The following IL1RAPL1 variants were observed in gnomAD, a reference collection of about 807,000 sequenced individuals.
IL1RAPL1 encodes interleukin 1 receptor accessory protein like 1, also known as interleukin-1 receptor accessory protein-like 1.
Under a neutral mutation model 48.4 loss-of-function variants are expected in IL1RAPL1, and 3 were observed. That is an observed-to-expected ratio of 0.06 (90% CI 0.03 to 0.16). The LOEUF (loss-of-function observed/expected upper bound fraction) is 0.16. IL1RAPL1 is among the 10% of genes least tolerant of loss of function. IL1RAPL1 has a pLI of 1.00. For missense variants in IL1RAPL1, 349 were observed against 530.6 expected, an observed-to-expected ratio of 0.66 and a Z score of 3.36; for synonymous variants, 185 against 187.7, an observed-to-expected ratio of 0.99 and a Z score of 0.12.
intron 6 of IL1RAPL1, among the ~76,000 whole-genome samples, chrX:29,808,922 ATAGT>A (rs1930314749): frequency 9.0e-6 from 1 of 110,659 alleles, no homozygotes; most frequent in Admixed American, 9.7e-5. Flanking sequence ...GCCAGCCTGT[ATAGT>A]TTTAATTGAG....
intron 5 of IL1RAPL1, among the ~76,000 whole-genome samples, chrX:29,409,431 AT>A (rs1388800830): frequency 8.9e-6 from 1 of 112,018 alleles, no homozygotes; most frequent in Non-Finnish European, 1.9e-5. Context: ...TCTAATGTTG[AT>A]TTGGAGTTGA....
chrX:28,983,378 G>A (rs951340385), intron 2 of IL1RAPL1, among the ~76,000 whole-genome samples: 12 of 111,921 alleles, frequency 1.1e-4, no homozygotes, highest in African/African-American at 3.6e-4. Context: ...GTTTAAAGCA[G>A]TATTAAAATT....
chrX:29,127,615 A>C (rs768398383), intron 2 of IL1RAPL1, among the ~76,000 whole-genome samples: 1 of 111,791 alleles, frequency 8.9e-6, no homozygotes, highest in African/African-American at 3.2e-5. Context: ...AGACTAATAT[A>C]TCAACTGCCT....
chrX:29,790,714 T>G (rs1053149008), intron 6 of IL1RAPL1, among the ~76,000 whole-genome samples: 1 of 111,880 alleles, frequency 8.9e-6, no homozygotes, highest in African/African-American at 3.2e-5. Context: ...TATCTCAAAA[T>G]TGACCCTGTC....
intron 5 of IL1RAPL1, among the ~76,000 whole-genome samples, chrX:29,545,183 CT>C (rs1921578527): frequency 6.6e-4 from 3 of 4,514 alleles, no homozygotes; most frequent in African/African-American, 3.1e-3. Flanking sequence ...CTAATCCTAT[CT>C]ATCTATCTAT....
chrX:29,538,084 G>A lies in IL1RAPL1; in HGVS notation c.704-130346G>A, dbSNP rs186502630. Among the ~76,000 whole-genome samples, 129 of 109,444 alleles carry A rather than the reference G, an allele frequency of 1.2e-3. 1 individual carries two copies. The highest frequency in any genetic ancestry group is 3.9e-3 in the African/African-American group (118 of 30,261). ...TCTTTATCTCTCTGTATGGATTTTA[G>A]AGATAGCTGGGAAAATAGTTACCTG... On this transcript the variant is annotated intron_variant, in intron 5 of 10. Transcript: ENST00000378993.
chrX:28,632,445 A>G (rs1260784870), intron 1 of IL1RAPL1, among the ~76,000 whole-genome samples: 1 of 111,569 alleles, frequency 9.0e-6, no homozygotes, highest in Non-Finnish European at 1.9e-5. Flanking sequence ...TGGGCCCACA[A>G]TTTAGTCAAT....
chrX:29,457,494 C>G (rs1473521876), intron 5 of IL1RAPL1, among the ~76,000 whole-genome samples: 1 of 111,407 alleles, frequency 9.0e-6, no homozygotes, highest in African/African-American at 3.3e-5. Context: ...CCAGCTGCAT[C>G]CATGTTGCTA....
intron 6 of IL1RAPL1, among the ~76,000 whole-genome samples, chrX:29,782,100 G>GTCTGTCTATCTATCTA (rs1356117341): frequency 2.0e-4 from 17 of 83,990 alleles, no homozygotes; most frequent in East Asian, 4.0e-4. Flanking sequence ...CTGTCTGTCT[G>GTCTGTCTATCTATCTA]TCTATCTATC....
chrX:29,545,596 T>C (rs894701232), intron 5 of IL1RAPL1, among the ~76,000 whole-genome samples: 9 of 112,212 alleles, frequency 8.0e-5, no homozygotes, highest in Admixed American at 2.8e-4. Context: ...CATCACTCTT[T>C]TGATTCTGGC....
intron 6 of IL1RAPL1, among the ~76,000 whole-genome samples, chrX:29,856,571 A>G (rs965775649): frequency 4.5e-5 from 5 of 112,011 alleles, no homozygotes; most frequent in African/African-American, 1.6e-4. Context: ...CAAATGAGTA[A>G]CATTACCATA....
chrX:29,103,487 C>T (rs916504833), intron 2 of IL1RAPL1, among the ~76,000 whole-genome samples: 2 of 109,689 alleles, frequency 1.8e-5, no homozygotes, highest in Non-Finnish European at 3.8e-5. Context: ...GGATTAAAGA[C>T]TTAAGTCTAA....
intron 5 of IL1RAPL1, among the ~76,000 whole-genome samples, chrX:29,402,794 T>TA (rs1556005655): frequency 1.8e-5 from 2 of 111,117 alleles, no homozygotes; most frequent in African/African-American, 3.3e-5. Context: ...CATTTTTTTT[T>TA]ATTTTTGATG....
intron 3 of IL1RAPL1, among the ~76,000 whole-genome samples, chrX:29,290,574 AT>A (rs1264462385): frequency 8.9e-6 from 1 of 112,013 alleles, no homozygotes; most frequent in Non-Finnish European, 1.9e-5. Flanking sequence ...TCTTCTACCT[AT>A]TCTGGGGAGA....
At chrX:29,942,565 G>A (rs915174225) in intron 9 of IL1RAPL1, among the ~76,000 whole-genome samples, 1 of 110,313 alleles carries the variant, frequency 9.1e-6, no homozygotes, top group African/African-American at 3.3e-5. Context: ...CAGCAAGATG[G>A]GAAGCATATG....
chrX:29,778,636 T>C (rs1929264261), intron 6 of IL1RAPL1, among the ~76,000 whole-genome samples: 1 of 111,964 alleles, frequency 8.9e-6, no homozygotes, highest in South Asian at 3.7e-4. Context: ...GGGCTACTAT[T>C]TTATTAGTTG....
chrX:29,251,135 T>A (rs1249875128), intron 2 of IL1RAPL1, among the ~76,000 whole-genome samples: 2 of 114,269 alleles, frequency 1.8e-5, no homozygotes, highest in African/African-American at 6.4e-5. Context: ...TTAATTGGTA[T>A]CTCAAAAGAC....
intron 3 of IL1RAPL1, among the ~76,000 whole-genome samples, chrX:29,303,769 A>T (rs1019402980): frequency 8.9e-6 from 1 of 111,913 alleles, no homozygotes; most frequent in Non-Finnish European, 1.9e-5. Flanking sequence ...TCAATCAAAG[A>T]CCTTTCATTT....
At chrX:29,866,548 A>G (rs1331545252) in intron 6 of IL1RAPL1, among the ~76,000 whole-genome samples, 1 of 109,845 alleles carries the variant, frequency 9.1e-6, no homozygotes, top group African/African-American at 3.3e-5. Context: ...TAAAGCATAC[A>G]CAAATAGATT....
Sources: allele counts gnomAD v4.1 joint callset (sites outside exome capture counted in the v4.1 genomes callset), GRCh38; gene constraint gnomAD v4.1.1; transcripts MANE v1.5; gene names NCBI Gene and HGNC (gene_info 2026-07-23, HGNC 2026-07-21).